The following AUTS2 variants were observed in gnomAD, a reference collection of about 807,000 sequenced individuals.
AUTS2 encodes activator of transcription and developmental regulator AUTS2, also known as autism susceptibility gene 2 protein.
Under a neutral mutation model 112.4 loss-of-function variants are expected in AUTS2, and 17 were observed. That is an observed-to-expected ratio of 0.15 (90% CI 0.10 to 0.23). The LOEUF (loss-of-function observed/expected upper bound fraction) is 0.23, where lower values mean the gene tolerates loss of function less well. Ranked by LOEUF, AUTS2 falls within the 10% of genes least tolerant of loss-of-function variation. AUTS2 has a pLI of 1.00. For synonymous variants in AUTS2, 751 were observed against 702.7 expected, an observed-to-expected ratio of 1.07 and a Z score of -1.09; for missense variants, 1,510 against 1,701.6, an observed-to-expected ratio of 0.89 and a Z score of 1.98.
intron 4 of AUTS2, among the ~76,000 whole-genome samples, chr7:70,182,735 G>A (rs1209886373): frequency 6.6e-6 from 1 of 151,518 alleles, no homozygotes; most frequent in Non-Finnish European, 1.5e-5. Flanking sequence ...ATCAAAGTGG[G>A]ATAGGTTGAG....
At chr7:70,385,803 A>G (rs545993487) in intron 4 of AUTS2, among the ~76,000 whole-genome samples, 39 of 152,302 alleles carry the variant, frequency 2.6e-4, no homozygotes, top group Middle Eastern at 3.4e-3. Flanking sequence ...GTCAATATTT[A>G]GAAAAGTTGT....
At chr7:70,649,457 T>C (rs1806364497) in intron 5 of AUTS2, among the ~76,000 whole-genome samples, 1 of 152,140 alleles carries the variant, frequency 6.6e-6, no homozygotes, top group Non-Finnish European at 1.5e-5. Context: ...TGGTGGGACA[T>C]GGGGGTCAGG....
intron 1 of AUTS2, among the ~76,000 whole-genome samples, chr7:69,795,875 G>A (rs987325519): frequency 2.6e-5 from 4 of 152,190 alleles, no homozygotes; most frequent in Admixed American, 6.5e-5. Context: ...CTGCTTTTAC[G>A]TGGCTCGTTA....
chr7:70,376,000 G>C (rs1243129160), intron 4 of AUTS2, among the ~76,000 whole-genome samples: 2 of 150,306 alleles, frequency 1.3e-5, no homozygotes, highest in Non-Finnish European at 3.0e-5. Flanking sequence ...GAACGGAGGA[G>C]TAGTTTGTTT....
intron 17 of AUTS2, 51 bp downstream of exon 17, chr7:70,786,089 G>A (rs776008634): frequency 2.7e-6 from 4 of 1,498,562 alleles, no homozygotes; most frequent in South Asian, 2.3e-5. Flanking sequence ...TATCTCCTGT[G>A]ATCCGCATAT....
chr7:69,698,811 T>C (rs1472084153), intron 1 of AUTS2, among the ~76,000 whole-genome samples: 1 of 152,186 alleles, frequency 6.6e-6, no homozygotes, highest in Non-Finnish European at 1.5e-5. Context: ...TTTTAAGTGC[T>C]AAAACTGCTG....
At chr7:70,147,146 C>G (rs1807169628) in intron 4 of AUTS2, among the ~76,000 whole-genome samples, 1 of 151,640 alleles carries the variant, frequency 6.6e-6, no homozygotes, top group African/African-American at 2.4e-5. Context: ...CATTTGAGCC[C>G]AGGAGATCAG....
chr7:69,764,376 G>T (rs1367272351), intron 1 of AUTS2, among the ~76,000 whole-genome samples: 2 of 145,594 alleles, frequency 1.4e-5, no homozygotes, highest in African/African-American at 5.0e-5. Flanking sequence ...GTTCTAGAGA[G>T]TTTTTTTTTT....
At chr7:70,495,362 C>T (rs143746062) in intron 5 of AUTS2, among the ~76,000 whole-genome samples, 4 of 151,640 alleles carry the variant, frequency 2.6e-5, no homozygotes, top group African/African-American at 9.7e-5. Context: ...TCTCTGTTTT[C>T]GATGTAGCTT....
intron 2 of AUTS2, among the ~76,000 whole-genome samples, chr7:70,035,586 T>G (rs766638836): frequency 1.3e-5 from 2 of 152,238 alleles, no homozygotes; most frequent in Non-Finnish European, 2.9e-5. Flanking sequence ...TCTTGTACTT[T>G]AGTATAAGCA....
At chr7:69,675,168 C>G (rs1022828337) in intron 1 of AUTS2, among the ~76,000 whole-genome samples, 35 of 152,162 alleles carry the variant, frequency 2.3e-4, no homozygotes, top group African/African-American at 8.0e-4. Context: ...TCTGGTAGCA[C>G]TAACCTCTTT....
At chr7:70,381,844 T>TA (rs1562925601) in intron 4 of AUTS2, among the ~76,000 whole-genome samples, 1 of 152,216 alleles carries the variant, frequency 6.6e-6, no homozygotes, top group Non-Finnish European at 1.5e-5. Flanking sequence ...TTTATTTTTA[T>TA]ATTGCACTCC....
intron 4 of AUTS2, among the ~76,000 whole-genome samples, chr7:70,207,265 C>T (rs1283257005): frequency 6.6e-6 from 1 of 152,156 alleles, no homozygotes; most frequent in Non-Finnish European, 1.5e-5. Context: ...GTGGGCCCTA[C>T]TTTATGTACT....
intron 1 of AUTS2, among the ~76,000 whole-genome samples, chr7:69,692,127 C>T (rs1346383480): frequency 1.1e-4 from 16 of 152,134 alleles, no homozygotes; most frequent in Non-Finnish European, 2.4e-4. Context: ...GGGCGTTTGG[C>T]CCACTAAGGA....
intron 18 of AUTS2, 57 bp downstream of exon 18, chr7:70,787,488 C>G (rs1248666290): frequency 1.5e-6 from 2 of 1,299,522 alleles, no homozygotes; most frequent in Non-Finnish European, 2.1e-6. Context: ...ATGCCAAGTA[C>G]CAGTGGAACT....
At chr7:70,196,121 T>G (rs1333697450) in intron 4 of AUTS2, among the ~76,000 whole-genome samples, 6 of 151,928 alleles carry the variant, frequency 3.9e-5, no homozygotes, top group African/African-American at 1.2e-4. Context: ...AATTGTGGAG[T>G]GAGAGAAGAG....
intron 4 of AUTS2, among the ~76,000 whole-genome samples, chr7:70,429,075 GT>G (rs1795545017): frequency 2.6e-5 from 4 of 152,228 alleles, no homozygotes. Context: ...ACCTCCCTCA[GT>G]ATGTTCACAC....
chr7:70,029,496 G>C (rs939498727), intron 2 of AUTS2, among the ~76,000 whole-genome samples: 1 of 151,900 alleles, frequency 6.6e-6, no homozygotes, highest in African/African-American at 2.4e-5. Context: ...AACATTTGTT[G>C]AATTGGATTA....
At chr7:70,740,295 C>T (rs918124036) in intron 6 of AUTS2, among the ~76,000 whole-genome samples, 7 of 152,226 alleles carry the variant, frequency 4.6e-5, no homozygotes, top group African/African-American at 1.7e-4. Flanking sequence ...TGGGACCTTA[C>T]ACGTGGTGCT....
Sources: allele counts gnomAD v4.1 joint callset (sites outside exome capture counted in the v4.1 genomes callset), GRCh38; gene constraint gnomAD v4.1.1; transcripts MANE v1.5; gene names NCBI Gene and HGNC (gene_info 2026-07-23, HGNC 2026-07-21).